DOCK6: variants seen among roughly 807,000 people sequenced by gnomAD.
The protein encoded by DOCK6 is dedicator of cytokinesis protein 6.
DOCK6 carries 167 observed loss-of-function variants against 230.3 expected under a neutral mutation model. That is an observed-to-expected ratio of 0.73 (90% CI 0.64 to 0.82). DOCK6 has a LOEUF of 0.82. Among genes scored for constraint, DOCK6 ranks in the 40% least tolerant of loss-of-function variants. The pLI, the probability that DOCK6 is intolerant of heterozygous loss-of-function variation, is 0.00. For missense variants in DOCK6, 2,598 were observed against 2,825.8 expected, an observed-to-expected ratio of 0.92 and a Z score of 1.83; for synonymous variants, 1,148 against 1,185.0, an observed-to-expected ratio of 0.97 and a Z score of 0.64.
chr19:11,250,554 C>G (rs2080101274), intron 6 of DOCK6, among the ~76,000 whole-genome samples: 1 of 152,074 alleles, frequency 6.6e-6, no homozygotes, highest in Non-Finnish European at 1.5e-5. Context: ...AAGCGATCTG[C>G]CCACCTCAGC....
At chr19:11,257,531 G>GTAA (rs2080217055) in intron 1 of DOCK6, among the ~76,000 whole-genome samples, 1 of 142,414 alleles carries the variant, frequency 7.0e-6, no homozygotes, top group South Asian at 2.4e-4. Context: ...GCTTATGCCT[G>GTAA]TAATCCCAGC....
chr19:11,247,236 C>T (rs1432298446), intron 7 of DOCK6: 1 of 152,144 alleles, frequency 6.6e-6, no homozygotes, highest in Non-Finnish European at 1.5e-5. Flanking sequence ...TTACAGGTGC[C>T]TGCCACCACG....
At chr19:11,220,720 G>A (rs2079565592) in intron 28 of DOCK6, among the ~76,000 whole-genome samples, 1 of 151,710 alleles carries the variant, frequency 6.6e-6, no homozygotes, top group African/African-American at 2.4e-5. Context: ...AAGAAAAGAT[G>A]AGCAAAAATG....
At chr19:11,261,456 A>T (rs1007287485) in intron 1 of DOCK6, among the ~76,000 whole-genome samples, 1 of 149,516 alleles carries the variant, frequency 6.7e-6, no homozygotes, top group Admixed American at 6.8e-5. Context: ...CAAGAGGGGG[A>T]TCTTTTGTCT....
chr19:11,207,257 G>A (rs1023733855), intron 39 of DOCK6, among the ~76,000 whole-genome samples: 6 of 152,086 alleles, frequency 3.9e-5, no homozygotes, highest in Admixed American at 6.6e-5. Context: ...ACAGTGGCAC[G>A]ATTACAACTC....
Position 11,224,255 on chromosome 19 carries a change from G to A in DOCK6, c.2956-1149C>T, listed in dbSNP as rs1313722140. 2.8e-5 allele frequency among the ~76,000 whole-genome samples: 4 copies of A among 144,690 alleles called. No individual in the cohort carries two copies. In the East Asian group the frequency reaches 8.4e-4, roughly 31 times the overall value. 94.9% of individuals were successfully genotyped at this position (144,690 alleles called of 152,430 possible). On this transcript the variant is annotated intron_variant, in intron 24 of 47. Transcript: ENST00000294618. ...AGACGGAGTCTTGCTCTGTCGCCCA[G>A]GCTATAGTGCAATGGCGCGATCTCG...
At chr19:11,215,727 C>G in intron 31 of DOCK6, 74 bp downstream of exon 31, 1 of 1,604,968 alleles carries the variant, frequency 6.2e-7, no homozygotes, top group East Asian at 2.2e-5. Context: ...GGATGGCCCC[C>G]TTCATGGGGT....
rs534870178 is a variant in DOCK6 at position 11,240,640 on chromosome 19, T to C, written c.1643+1405A>G. Reference sequence around the variant, plus strand: ...TGTTGCCCAGGCTGGAGTGCAGTGGTGTGATCTTGGCTCACTGCAACCTCC... The same window carrying C: ...TGTTGCCCAGGCTGGAGTGCAGTGGCGTGATCTTGGCTCACTGCAACCTCC... On this transcript the variant is annotated intron_variant, in intron 14 of 47. Coordinates refer to ENST00000294618, the MANE Select transcript of DOCK6 (RefSeq NM_020812.4). 2.1e-4 allele frequency among the ~76,000 whole-genome samples: 31 copies of C among 149,774 alleles called. 1 individual carries two copies. The East Asian group carries it at 3.8e-3, about 18-fold the overall frequency.
Position 11,208,960 on chromosome 19 carries a change from G to A in DOCK6, c.4895C>T (p.Ala1632Val), listed in dbSNP as rs117328686. The change falls in exon 38 of 48, where the codon GCC becomes GTC. Residue 1632 changes from alanine to valine, a missense_variant. Physicochemically the swap from Ala to Val is moderately conservative, Grantham distance 64. Coordinates refer to ENST00000294618, the MANE Select transcript of DOCK6 (RefSeq NM_020812.4). ...HAAALVAEYLALLEDHRHLPV... is the reference protein window; with the variant it reads ...HAAALVAEYLVLLEDHRHLPV... The stretch of plus-strand genomic sequence containing the variant: ...CAGGTGGCGGTGGTCCTCGAGCAGG[G>A]CGAGGTACTCAGCCACGAGGGCGGC... 28,429 of 1,605,298 alleles carry A rather than the reference G, an allele frequency of 0.018. 1,206 individuals carry two copies. Among genetic ancestry groups the A allele is most frequent in the East Asian group, 0.17 (7,366 of 44,596 alleles).
At chr19:11,235,799 C>A in intron 20 of DOCK6, 40 bp from the exon 21 acceptor site, 2 of 1,546,008 alleles carry the variant, frequency 1.3e-6, no homozygotes, top group East Asian at 4.8e-5. Flanking sequence ...GGGCCCAAGG[C>A]CTCTCACCTC....
rs941245267 is a variant in DOCK6, at chr19:11,204,187, G to T, written c.5220+13C>A. 6.5e-7 allele frequency: 1 copy of T among 1,550,110 alleles called. No homozygotes were observed. The highest frequency in any genetic ancestry group is 2.4e-5 in the East Asian group (1 of 40,926). ...GCTGAGGGTGGGGTCTGGGGAGGGG[G>T]TCCTGGGCCCACCTGGTGCATGATC... On this transcript the variant is annotated intron_variant, in intron 40 of 47. Coordinates refer to ENST00000294618, the MANE Select transcript of DOCK6 (RefSeq NM_020812.4).
intron 14 of DOCK6, among the ~76,000 whole-genome samples, chr19:11,241,226 C>CAG (rs952360225): frequency 6.8e-6 from 1 of 146,644 alleles, no homozygotes; most frequent in East Asian, 2.0e-4. Context: ...GCCTGGGTGA[C>CAG]AGAGAGAGAC....
At chr19:11,233,409 G>A (rs1444703073) in intron 21 of DOCK6, 43 bp from the exon 22 acceptor site, 1 of 1,594,204 alleles carries the variant, frequency 6.3e-7, no homozygotes. Context: ...CCCACCTGAT[G>A]TGATGCCTCC....
chr19:11,216,789 C>T (rs2079495094), intron 30 of DOCK6, 125 bp downstream of exon 30: 5 of 966,868 alleles, frequency 5.2e-6, no homozygotes, highest in Non-Finnish European at 8.1e-6. Flanking sequence ...CCCCTTTCCT[C>T]TCAGTCCCAC....
Position 11,238,460 on chromosome 19 carries a change from A to C in DOCK6, c.1644-156T>G, listed in dbSNP as rs941105336. On this transcript the variant is annotated intron_variant, in intron 14 of 47. Coordinates refer to ENST00000294618, the MANE Select transcript of DOCK6 (RefSeq NM_020812.4). Reference sequence around the variant, plus strand: ...TTGAGGGCCCGGTGAGAGGTAATACAGGTATCAGTCAGGAGATAGGACAGA... The same window carrying C: ...TTGAGGGCCCGGTGAGAGGTAATACCGGTATCAGTCAGGAGATAGGACAGA... 117 of 653,686 alleles carry C rather than the reference A, an allele frequency of 1.8e-4. 1 individual carries two copies. In the Admixed American group the frequency reaches 2.7e-3, roughly 15 times the overall value. 40.5% of individuals were successfully genotyped at this position (653,686 alleles called of 1,614,324 possible).
Position 11,243,309 on chromosome 19 carries a change from G to A in DOCK6, c.1335C>T (p.Ser445=), listed in dbSNP as rs368588834. The A allele has an allele frequency of 6.2e-6, 10 of 1,602,424 alleles. No individual in the cohort carries two copies. The highest frequency in any genetic ancestry group is 8.5e-6 in the Non-Finnish European group (10 of 1,175,184). The change falls in exon 12 of 48, where the codon AGC becomes AGT. Residue 445 remains serine, a synonymous_variant. Transcript: ENST00000294618. This position sits in a 1 kb window ranked among gnomAD's most constrained non-coding sequence, Gnocchi z 6.3. ...GCGTGGCTGGACGGAAGCCAGAGAA[G>A]CTGCAGGCGTCGTCCCCACTACTCG... is the stretch of plus-strand genomic sequence containing the variant. The part of the protein sequence containing the change: ...DRASSGDDAC[S]FSGFRPATLT...
chr19:11,228,833 A>G, intron 23 of DOCK6, 107 bp downstream of exon 23: 1 of 1,067,656 alleles, frequency 9.4e-7, no homozygotes, highest in Non-Finnish European at 1.4e-6. Flanking sequence ...AAGTGTTGGG[A>G]TTACAGGTGT....
At chr19:11,237,275 C>G in intron 18 of DOCK6, 181 bp downstream of exon 18, 1 of 669,420 alleles carries the variant, frequency 1.5e-6, no homozygotes. Context: ...CAATGGGAAT[C>G]TTTGGGGAGG....
chr19:11,232,339 G>T, intron 22 of DOCK6: 1 of 1,266,764 alleles, frequency 7.9e-7, no homozygotes, highest in Non-Finnish European at 1.0e-6. Flanking sequence ...GGCAGGGAAA[G>T]CAGCATGAAA....
Sources: gnomAD v4.1 joint callset for allele counts (sites outside exome capture counted in the v4.1 genomes callset) on GRCh38, gnomAD v4.1.1 for gene constraint, Gnocchi (gnomAD v3.1) non-coding constraint, MANE v1.5 for transcripts, NCBI Gene and HGNC (gene_info 2026-07-23, HGNC 2026-07-21) for gene names.